The following B9D1 variants were observed in gnomAD, a reference collection of about 807,000 sequenced individuals.
The protein encoded by B9D1 is B9 domain-containing protein 1.
A neutral mutation model predicts 26.1 loss-of-function variants in B9D1; 20 were observed. The ratio of observed to expected loss-of-function variants is 0.77; its 90% CI spans 0.54 to 1.12. B9D1 has a LOEUF of 1.12. B9D1 is among the 50% of genes most tolerant of loss of function. The pLI is 0.00. For missense variants in B9D1, 260 were observed against 273.7 expected, an observed-to-expected ratio of 0.95 and a Z score of 0.35; for synonymous variants, 105 against 103.1, an observed-to-expected ratio of 1.02 and a Z score of -0.11.
Position 19,359,097 on chromosome 17 carries a change from C to T in B9D1, c.133-1146G>A, listed in dbSNP as rs1910716237. The stretch of plus-strand genomic sequence containing the variant: ...CCCACCACCCCACTGCCACTGCCCT[C>T]CTCTCCCATCTCCACTGCTGTCAGA... On this transcript the variant is annotated intron_variant, in intron 2 of 6. Transcript: ENST00000261499. The surrounding 1 kb of genome is among the most constrained non-coding windows in gnomAD (Gnocchi z 5.0). 6.6e-6 allele frequency among the ~76,000 whole-genome samples: 1 copy of T among 152,208 alleles called. No individual in the cohort carries two copies. The highest frequency in any genetic ancestry group is 2.1e-4 in the South Asian group (1 of 4,828).
Position 19,360,392 on chromosome 17 carries a change from A to T in B9D1, c.64-4T>A. On this transcript the variant is annotated splice_region_variant and splice_polypyrimidine_tract_variant and intron_variant, in intron 1 of 6. Coordinates refer to ENST00000261499, the MANE Select transcript of B9D1 (RefSeq NM_015681.6). ...AGAGGTCATCATACTCTGGAAACTG[A>T]AAAAAGCACAGACAGATTCTGTCGA... The T allele has an allele frequency of 6.2e-7, 1 of 1,613,330 alleles. No individual in the cohort carries two copies. Among genetic ancestry groups the T allele is most frequent in the Non-Finnish European group, 8.5e-7 (1 of 1,179,572 alleles).
intron 3 of B9D1, among the ~76,000 whole-genome samples, chr17:19,355,625 C>G (rs951753687): frequency 1.3e-5 from 2 of 150,860 alleles, no homozygotes; most frequent in Admixed American, 6.6e-5. Flanking sequence ...GTCAGGAGAT[C>G]GAGACCATCC....
chr17:19,357,691 G>A, intron 3 of B9D1, 149 bp downstream of exon 3: 1 of 702,410 alleles, frequency 1.4e-6, no homozygotes, highest in Non-Finnish European at 2.6e-6. Context: ...GAAAGGGACA[G>A]ATGGCGAGAG....
At chr17:19,343,524 T>G in intron 6 of B9D1, 63 bp from the exon 7 acceptor site, 1 of 1,610,676 alleles carries the variant, frequency 6.2e-7, no homozygotes, top group Non-Finnish European at 8.5e-7. Context: ...CAGGTTGATC[T>G]GGGAATCTCA....
chr17:19,352,350 T>TC (rs1909720373), intron 3 of B9D1, among the ~76,000 whole-genome samples: 1 of 151,912 alleles, frequency 6.6e-6, no homozygotes, highest in Non-Finnish European at 1.5e-5. Context: ...TTTACTAATT[T>TC]CTTTTTTTTT....
Position 19,354,823 on chromosome 17 carries a change from G to A in B9D1, c.244+3017C>T, listed in dbSNP as rs375720452. 1.6e-4 allele frequency among the ~76,000 whole-genome samples: 25 copies of A among 152,118 alleles called. No homozygotes were observed. The East Asian group carries it at 2.7e-3, about 16-fold the overall frequency. On this transcript the variant is annotated intron_variant, in intron 3 of 6. Transcript: ENST00000261499. The stretch of plus-strand genomic sequence containing the variant: ...AGCCTGGGTGACAGAGCAAGACTCC[G>A]TCTCGAAAAAAAGAGAAAAAAAAGA...
downstream of B9D1, among the ~76,000 whole-genome samples, chr17:19,341,646 A>C (rs1907976034): frequency 6.6e-6 from 1 of 152,140 alleles, no homozygotes; most frequent in African/African-American, 2.4e-5. Flanking sequence ...TCCTCAGAGA[A>C]TGCATGAGGG....
intron 3 of B9D1, among the ~76,000 whole-genome samples, chr17:19,352,503 G>A (rs1416169874): frequency 1.3e-5 from 2 of 149,942 alleles, no homozygotes; most frequent in Non-Finnish European, 3.0e-5. Flanking sequence ...CACCTGCCAC[G>A]GGCCTGGCTA....
chr17:19,343,645 C>T, intron 6 of B9D1, 145 bp downstream of exon 6: 2 of 1,588,430 alleles, frequency 1.3e-6, no homozygotes. Flanking sequence ...CTCTGTGCTC[C>T]AACCAGGCCC....
downstream of B9D1, among the ~76,000 whole-genome samples, chr17:19,342,103 G>C (rs1908032884): frequency 6.6e-6 from 1 of 152,294 alleles, no homozygotes; most frequent in Middle Eastern, 3.4e-3. Flanking sequence ...AAGAGGCAAG[G>C]ACACACCCCT....
intron 5 of B9D1, among the ~76,000 whole-genome samples, chr17:19,345,332 T>C (rs914340822): frequency 7.9e-5 from 12 of 152,204 alleles, no homozygotes; most frequent in Non-Finnish European, 1.0e-4. Context: ...GCAGCCCCAG[T>C]TGTGTTTTAG....
At chr17:19,368,346 C>A (rs1044754766) in intron 1 of B9D1, among the ~76,000 whole-genome samples, 1 of 152,222 alleles carries the variant, frequency 6.6e-6, no homozygotes, top group Non-Finnish European at 1.5e-5. Flanking sequence ...CCCTTTACCC[C>A]TGAAGCTCAC....
chr17:19,360,804 A>C (rs1459745260), intron 1 of B9D1, among the ~76,000 whole-genome samples: 1 of 152,148 alleles, frequency 6.6e-6, no homozygotes, highest in Non-Finnish European at 1.5e-5. Context: ...ATGAGTAGAG[A>C]AGAGATTTAA....
rs1192744268 is a variant in B9D1 at position 19,347,019 on chromosome 17, C to A, written c.404+250G>T. 4 of 1,542,894 alleles carry A rather than the reference C, an allele frequency of 2.6e-6. No individual in the cohort carries two copies. The highest frequency in any genetic ancestry group is 3.5e-6 in the Non-Finnish European group (4 of 1,144,920). On this transcript the variant is annotated intron_variant, in intron 5 of 6. Coordinates refer to ENST00000261499, the MANE Select transcript of B9D1 (RefSeq NM_015681.6). The surrounding 1 kb of genome is among the most constrained non-coding windows in gnomAD (Gnocchi z 4.3). ...TTTTTCCCATCTGACAAGAGTTTTT[C>A]CTCTGCTCCCTCAGACACAAAGATT...
chr17:19,342,570 G>A (rs1194390931), downstream of B9D1, among the ~76,000 whole-genome samples: 5 of 152,104 alleles, frequency 3.3e-5, no homozygotes, highest in Admixed American at 6.5e-5. Flanking sequence ...CCAGGGTCAG[G>A]GCCTCCCAAA....
intron 3 of B9D1, among the ~76,000 whole-genome samples, chr17:19,354,292 C>G (rs975549715): frequency 6.6e-5 from 10 of 152,194 alleles, no homozygotes; most frequent in African/African-American, 2.4e-4. Flanking sequence ...GCTGAGTCTA[C>G]TTGCTTTACT....
upstream of B9D1, among the ~76,000 whole-genome samples, chr17:19,363,386 C>T (rs1053693243): frequency 6.6e-6 from 1 of 152,234 alleles, no homozygotes; most frequent in Admixed American, 6.5e-5. Flanking sequence ...TGTCAAGATA[C>T]AGTCTTGTAT....
At chr17:19,349,500 C>T (rs1290146496) in intron 3 of B9D1, among the ~76,000 whole-genome samples, 2 of 151,998 alleles carry the variant, frequency 1.3e-5, no homozygotes, top group African/African-American at 4.8e-5. Context: ...ATCCTCCCAC[C>T]TCAGCCTCCC....
At chr17:19,346,940 T>C (rs1908884863) in intron 5 of B9D1, 2 of 1,472,758 alleles carry the variant, frequency 1.4e-6, no homozygotes, top group South Asian at 2.8e-5. Flanking sequence ...GTCTGACTCA[T>C]ACTGCTATAT....
Sources: allele counts gnomAD v4.1 joint callset (sites outside exome capture counted in the v4.1 genomes callset), GRCh38; gene constraint gnomAD v4.1.1; non-coding constraint Gnocchi (gnomAD v3.1); transcripts MANE v1.5; gene names NCBI Gene and HGNC (gene_info 2026-07-23, HGNC 2026-07-21).